The following KCNH8 variants were observed in gnomAD, a reference collection of about 807,000 sequenced individuals.
KCNH8 encodes voltage-gated delayed rectifier potassium channel KCNH8.
A neutral mutation model predicts 103.6 loss-of-function variants in KCNH8; 70 were observed. The observed-to-expected ratio is 0.68, with a 90% CI of 0.56 to 0.82. The LOEUF (loss-of-function observed/expected upper bound fraction) is 0.82. Ranked by LOEUF, KCNH8 falls within the 40% of genes least tolerant of loss-of-function variation. KCNH8 has a pLI of 0.00. For missense variants in KCNH8, 1,217 were observed against 1,329.9 expected (o/e 0.92, Z 1.32); for synonymous variants, 498 against 489.4 (o/e 1.02, Z -0.23).
At chr3:19,406,533 T>C (rs2066693808) in intron 7 of KCNH8, among the ~76,000 whole-genome samples, 1 of 152,152 alleles carries the variant, frequency 6.6e-6, no homozygotes. Context: ...TCCTAGTATT[T>C]TAAGACTTCT....
intron 1 of KCNH8, among the ~76,000 whole-genome samples, chr3:19,225,453 C>G (rs1332682173): frequency 2.6e-5 from 4 of 152,062 alleles, no homozygotes; most frequent in Admixed American, 2.6e-4. Context: ...GGTCAAAGTC[C>G]TCAGCAGTTA....
intron 5 of KCNH8, among the ~76,000 whole-genome samples, chr3:19,373,571 A>G (rs1171741431): frequency 1.3e-5 from 2 of 152,090 alleles, no homozygotes; most frequent in Middle Eastern, 3.4e-3. Context: ...TCCTGGATTC[A>G]TTAATTTTTT....
At chr3:19,289,291 A>C (rs2064883139) in intron 3 of KCNH8, among the ~76,000 whole-genome samples, 1 of 152,096 alleles carries the variant, frequency 6.6e-6, no homozygotes, top group Non-Finnish European at 1.5e-5. Context: ...TTAGACATGA[A>C]GCCCTTGCCC....
intron 1 of KCNH8, among the ~76,000 whole-genome samples, chr3:19,204,996 T>G (rs112166271): frequency 0.02 from 2,989 of 152,062 alleles, 94 homozygotes; most frequent in African/African-American, 0.067. Context: ...TTAGGGGGCA[T>G]ATGGTCATAC....
chr3:19,506,448 T>A (rs1437513355), intron 11 of KCNH8, among the ~76,000 whole-genome samples: 1 of 152,162 alleles, frequency 6.6e-6, no homozygotes, highest in Non-Finnish European at 1.5e-5. Flanking sequence ...GCTGTTGAAG[T>A]TTGTGCTGTG....
chr3:19,231,321 A>C (rs1329921087), intron 1 of KCNH8, among the ~76,000 whole-genome samples: 1 of 152,148 alleles, frequency 6.6e-6, no homozygotes, highest in Non-Finnish European at 1.5e-5. Flanking sequence ...TGTGTCATTC[A>C]CTAGTGTAGT....
chr3:19,172,322 A>T (rs900376875), intron 1 of KCNH8, among the ~76,000 whole-genome samples: 43 of 152,348 alleles, frequency 2.8e-4, no homozygotes, highest in African/African-American at 1.0e-3. Context: ...CTCCATAAGA[A>T]TACATACCCC....
intron 3 of KCNH8, among the ~76,000 whole-genome samples, chr3:19,323,698 C>T (rs979815458): frequency 1.3e-5 from 2 of 152,158 alleles, no homozygotes; most frequent in Admixed American, 6.5e-5. Flanking sequence ...AGGATGCTCC[C>T]TTGATGTGGT....
intron 5 of KCNH8, among the ~76,000 whole-genome samples, chr3:19,386,964 G>T (rs1451207606): frequency 6.6e-6 from 1 of 152,130 alleles, no homozygotes; most frequent in Non-Finnish European, 1.5e-5. Flanking sequence ...ATCTTTTTAT[G>T]CTGTGCTTCC....
chr3:19,508,922 T>TATC (rs761752135), intron 11 of KCNH8, among the ~76,000 whole-genome samples: 2 of 152,226 alleles, frequency 1.3e-5, no homozygotes, highest in Admixed American at 6.5e-5. Flanking sequence ...CTTTCTCTTA[T>TATC]ATCTCTAACG....
chr3:19,252,543 C>A (rs2064292340), intron 1 of KCNH8, among the ~76,000 whole-genome samples: 1 of 151,996 alleles, frequency 6.6e-6, no homozygotes. Flanking sequence ...GGGCCCACCA[C>A]CATGCCGGGC....
At chr3:19,489,430 A>G (rs2068274345) in intron 11 of KCNH8, among the ~76,000 whole-genome samples, 2 of 152,078 alleles carry the variant, frequency 1.3e-5, no homozygotes, top group Admixed American at 1.3e-4. Context: ...CCAAGAATCT[A>G]TATGTATATA....
At chr3:19,496,274 G>C (rs2068439585) in intron 11 of KCNH8, among the ~76,000 whole-genome samples, 1 of 152,088 alleles carries the variant, frequency 6.6e-6, no homozygotes, top group Non-Finnish European at 1.5e-5. Context: ...TCTTGCTCTG[G>C]TTTTCAACAG....
chr3:19,354,195 G>A (rs139190625), intron 5 of KCNH8, among the ~76,000 whole-genome samples: 1,690 of 152,204 alleles, frequency 0.011, 19 homozygotes, highest in Non-Finnish European at 0.018. Flanking sequence ...ACCTCTTCAA[G>A]GAGAACTACA....
At chr3:19,329,689 A>G (rs1469773175) in intron 3 of KCNH8, among the ~76,000 whole-genome samples, 1 of 152,174 alleles carries the variant, frequency 6.6e-6, no homozygotes, top group Non-Finnish European at 1.5e-5. Flanking sequence ...AATTTGGGAT[A>G]ACTTCAAAAA....
chr3:19,171,880 C>G (rs1419816683), intron 1 of KCNH8, among the ~76,000 whole-genome samples: 1 of 152,120 alleles, frequency 6.6e-6, no homozygotes, highest in Non-Finnish European at 1.5e-5. Flanking sequence ...GTTTTTTCTG[C>G]TTACTTAATT....
intron 11 of KCNH8, among the ~76,000 whole-genome samples, chr3:19,496,747 A>G (rs575915584): frequency 6.6e-6 from 1 of 152,280 alleles, no homozygotes; most frequent in East Asian, 1.9e-4. Flanking sequence ...AAATTTTTGA[A>G]ATAGTTTCAA....
intron 1 of KCNH8, among the ~76,000 whole-genome samples, chr3:19,167,649 A>T (rs1277549582): frequency 6.6e-6 from 1 of 152,226 alleles, no homozygotes; most frequent in East Asian, 1.9e-4. Flanking sequence ...CAATCCAGTT[A>T]CTGTACACAG....
At chr3:19,528,972 T>TAA (rs2069112370) in intron 15 of KCNH8, among the ~76,000 whole-genome samples, 3 of 152,008 alleles carry the variant, frequency 2.0e-5, no homozygotes, top group Non-Finnish European at 4.4e-5. Flanking sequence ...CTGAGAAAAT[T>TAA]AAGTATTAAA....
Sources: allele counts gnomAD v4.1 joint callset (sites outside exome capture counted in the v4.1 genomes callset), GRCh38; gene constraint gnomAD v4.1.1; transcripts MANE v1.5; gene names NCBI Gene and HGNC (gene_info 2026-07-23, HGNC 2026-07-21).